Variants in BCKDHB observed in about 807,000 individuals in gnomAD.
BCKDHB encodes the protein branched chain keto acid dehydrogenase E1 subunit beta.
A neutral mutation model predicts 48.5 loss-of-function variants in BCKDHB; 41 were observed. The ratio of observed to expected loss-of-function variants is 0.85; its 90% CI spans 0.66 to 1.10. The LOEUF is 1.10. Ranked by LOEUF, BCKDHB falls within the 50% of genes least tolerant of loss-of-function variation. The pLI is 0.00. For synonymous variants in BCKDHB, 201 were observed against 174.8 expected, an observed-to-expected ratio of 1.15 and a Z score of -1.18; for missense variants, 496 against 494.2, an observed-to-expected ratio of 1.00 and a Z score of -0.03.
At chr6:80,413,892 G>C in the BCKDHB span, among the ~76,000 whole-genome samples, 2 of 152,256 alleles carry the variant, frequency 1.3e-5, no homozygotes, top group African/African-American at 2.4e-5. Flanking sequence ...TTCCACAATG[G>C]TTGAACTAAT....
the BCKDHB span, among the ~76,000 whole-genome samples, chr6:80,395,488 G>A: frequency 1.3e-5 from 2 of 152,160 alleles, no homozygotes; most frequent in African/African-American, 4.8e-5. Flanking sequence ...CCAGAGAGAT[G>A]TGTGGAACTT....
intron 8 of BCKDHB, among the ~76,000 whole-genome samples, chr6:80,250,123 CCTT>C (rs930734292): frequency 3.9e-5 from 6 of 152,100 alleles, no homozygotes; most frequent in African/African-American, 1.2e-4. Flanking sequence ...AGTTGGCTCT[CCTT>C]CTTCTCTGAC....
the BCKDHB span, among the ~76,000 whole-genome samples, chr6:80,353,270 T>G: frequency 6.6e-6 from 1 of 152,246 alleles, no homozygotes; most frequent in Non-Finnish European, 1.5e-5. Context: ...AGTATTTCAT[T>G]GTGTATATAA....
chr6:80,235,147 C>G (rs1481759216), intron 8 of BCKDHB, among the ~76,000 whole-genome samples: 1 of 152,130 alleles, frequency 6.6e-6, no homozygotes, highest in Non-Finnish European at 1.5e-5. Flanking sequence ...TTCAAAATAG[C>G]TAGAAGATCT....
At chr6:80,374,778 T>C in the BCKDHB span, among the ~76,000 whole-genome samples, 1 of 152,214 alleles carries the variant, frequency 6.6e-6, no homozygotes. Flanking sequence ...GATTTTATTT[T>C]GTGTATTTCA....
chr6:80,239,259 C>T (rs1776278650), intron 8 of BCKDHB, among the ~76,000 whole-genome samples: 1 of 152,130 alleles, frequency 6.6e-6, no homozygotes, highest in Non-Finnish European at 1.5e-5. Flanking sequence ...CTCTCAAGCA[C>T]CTGTTGTTTC....
At chr6:80,462,692 T>C in the BCKDHB span, among the ~76,000 whole-genome samples, 1 of 152,198 alleles carries the variant, frequency 6.6e-6, no homozygotes, top group Admixed American at 6.5e-5. Context: ...GCCAGGGAAA[T>C]ACTTAATTCC....
the BCKDHB span, among the ~76,000 whole-genome samples, chr6:80,449,694 C>A: frequency 6.6e-6 from 1 of 152,020 alleles, no homozygotes; most frequent in Non-Finnish European, 1.5e-5. Context: ...TCTGGTTGTC[C>A]CACTCTTAGA....
chr6:80,230,281 G>A (rs920910161), intron 8 of BCKDHB, among the ~76,000 whole-genome samples: 4 of 151,184 alleles, frequency 2.6e-5, no homozygotes, highest in East Asian at 3.9e-4. Flanking sequence ...CTCGTGATCC[G>A]CCCGCCTCGG....
chr6:80,145,652 C>T (rs1463378969), intron 3 of BCKDHB, among the ~76,000 whole-genome samples: 1 of 152,082 alleles, frequency 6.6e-6, no homozygotes, highest in Non-Finnish European at 1.5e-5. Context: ...AGCCTTGGTT[C>T]CACTGACACA....
intron 8 of BCKDHB, among the ~76,000 whole-genome samples, chr6:80,217,202 T>C (rs1448321190): frequency 6.6e-6 from 1 of 151,954 alleles, no homozygotes; most frequent in Non-Finnish European, 1.5e-5. Flanking sequence ...GACTGTGCCA[T>C]TGTACTCCAG....
At chr6:80,108,802 G>A (rs2127703193) in intron 1 of BCKDHB, among the ~76,000 whole-genome samples, 1 of 152,270 alleles carries the variant, frequency 6.6e-6, no homozygotes, top group South Asian at 2.1e-4. Flanking sequence ...AGAGGTTGCA[G>A]TGAGCTGATA....
In BCKDHB at chr6:80,273,153, C is replaced by A; in HGVS notation, c.970C>A (p.Arg324=). 6.2e-7 allele frequency: 1 copy of A among 1,613,160 alleles called. No homozygotes were observed. Among genetic ancestry groups the A allele is most frequent in the South Asian group, 1.1e-5 (1 of 91,068 alleles). ...TICKSVIKTG[R]LLISHEAPLT... is the part of the protein sequence containing the mutation. ...CTTTCAGTCTGTGATCAAAACAGGG[C>A]GACTGCTAATCAGTCACGAGGCTCC... is the stretch of plus-strand genomic sequence containing the variant. Residue 324 remains arginine, a synonymous_variant, in exon 9 of 10, where the codon CGA becomes AGA. Transcript: ENST00000320393.
intron 9 of BCKDHB, among the ~76,000 whole-genome samples, chr6:80,313,484 C>G (rs1768271191): frequency 6.6e-6 from 1 of 152,144 alleles, no homozygotes; most frequent in Non-Finnish European, 1.5e-5. Flanking sequence ...CCTCAGCCTC[C>G]CGAGTAGCTG....
At chr6:80,159,741 C>A (rs187453563) in intron 3 of BCKDHB, among the ~76,000 whole-genome samples, 1 of 152,170 alleles carries the variant, frequency 6.6e-6, no homozygotes, top group Non-Finnish European at 1.5e-5. Context: ...CCCACTGTTA[C>A]AATTGTGTCT....
chr6:80,369,123 AATTTGATGTT>A, the BCKDHB span, among the ~76,000 whole-genome samples: 145,377 of 152,142 alleles, frequency 0.96, 69,830 homozygotes, highest in Middle Eastern at 1. Context: ...TCTTTGTTGT[AATTTGATGTT>A]GAAATTGTAA....
At chr6:80,332,047 A>C (rs1769336506) in intron 9 of BCKDHB, among the ~76,000 whole-genome samples, 1 of 152,188 alleles carries the variant, frequency 6.6e-6, no homozygotes, top group Non-Finnish European at 1.5e-5. Flanking sequence ...GAGTTTTTAA[A>C]AGCTGTGCTT....
chr6:80,458,599 A>G, the BCKDHB span, among the ~76,000 whole-genome samples: 16 of 152,204 alleles, frequency 1.1e-4, no homozygotes, highest in East Asian at 1.9e-4. Flanking sequence ...TGCTTCATGT[A>G]TCAAGCATGT....
chr6:80,394,746 T>A, the BCKDHB span, among the ~76,000 whole-genome samples: 1 of 151,994 alleles, frequency 6.6e-6, no homozygotes, highest in African/African-American at 2.4e-5. Flanking sequence ...AGTAAGGGAG[T>A]AGTCTAATCC....
Sources: gnomAD v4.1 joint callset for allele counts (sites outside exome capture counted in the v4.1 genomes callset) on GRCh38, gnomAD v4.1.1 for gene constraint, MANE v1.5 for transcripts, NCBI Gene and HGNC (gene_info 2026-07-23, HGNC 2026-07-21) for gene names.